The following MTARC2 variants were observed in gnomAD, a reference collection of about 807,000 sequenced individuals.
MTARC2 encodes mitochondrial amidoxime reducing component 2.
Under a neutral mutation model 35.6 loss-of-function variants are expected in MTARC2, and 27 were observed. The ratio of observed to expected loss-of-function variants is 0.76; its 90% CI spans 0.56 to 1.04. MTARC2 has a LOEUF of 1.04. MTARC2 is among the 50% of genes least tolerant of loss of function. The pLI, the probability that MTARC2 is intolerant of heterozygous loss-of-function variation, is 0.00. For missense variants in MTARC2, 412 were observed against 432.5 expected (o/e 0.95, Z 0.42); for synonymous variants, 158 against 167.1 (o/e 0.95, Z 0.42).
At chr1:220,765,417 A>AATAACTCTG (rs1671555489) in intron 4 of MTARC2, among the ~76,000 whole-genome samples, 1 of 152,194 alleles carries the variant, frequency 6.6e-6, no homozygotes, top group Non-Finnish European at 1.5e-5. Context: ...CTGAGCAAGG[A>AATAACTCTG]AGTAATTATG....
chr1:220,762,441 C>G (rs1671465210), intron 3 of MTARC2, among the ~76,000 whole-genome samples: 1 of 152,178 alleles, frequency 6.6e-6, no homozygotes, highest in South Asian at 2.1e-4. Context: ...TCTCCATAGC[C>G]CCTAAACTAC....
chr1:220,752,356 G>T (rs563605829), intron 1 of MTARC2, among the ~76,000 whole-genome samples: 1 of 152,184 alleles, frequency 6.6e-6, no homozygotes, highest in South Asian at 2.1e-4. Flanking sequence ...AAGGGTGAAG[G>T]CTTTAGTGAG....
intron 4 of MTARC2, among the ~76,000 whole-genome samples, chr1:220,771,315 A>AAAAAAAAAAAAAC: frequency 6.6e-6 from 1 of 151,732 alleles, no homozygotes. Flanking sequence ...AAAAAAAAAA[A>AAAAAAAAAAAAAC]AAAAGCCTTA....
At chr1:220,759,509 G>A (rs534085394) in intron 2 of MTARC2, among the ~76,000 whole-genome samples, 17 of 149,934 alleles carry the variant, frequency 1.1e-4, no homozygotes, top group African/African-American at 2.9e-4. Context: ...AAGGGGCTCC[G>A]GTTAATCAGT....
At position 220,780,063 on chromosome 1, in the gene MTARC2, G is replaced by A; in HGVS notation, c.796G>A (p.Val266Ile). The change falls in exon 5 of 8, where the codon GTA (valine) becomes ATA (isoleucine). Residue 266 changes from valine (V) to isoleucine (I), a missense_variant. By Grantham distance (29) the Val-to-Ile change is conservative. Coordinates refer to ENST00000366913, the MANE Select transcript of MTARC2 (RefSeq NM_017898.5). The part of the protein sequence containing the change: ...LLIGSVEVKK[V>I]MACPRCILTT... ...AATTGGTAGTGTAGAAGTGAAAAAG[G>A]TAATGGCATGCCCCAGGTAAGGAGC... The A allele has an allele frequency of 6.4e-7, 1 of 1,550,834 alleles. No individual in the cohort carries two copies. Among genetic ancestry groups the A allele is most frequent in the Admixed American group, 2.3e-5 (1 of 43,566 alleles).
Position 220,784,249 on chromosome 1 carries a change from C to T in MTARC2, c.*362C>T. The T allele has an allele frequency of 3.0e-6, 1 of 333,848 alleles. No homozygotes were observed. Among genetic ancestry groups the T allele is most frequent in the Non-Finnish European group, 5.5e-6 (1 of 183,144 alleles). The allele number at this position is 333,848 out of a possible 1,614,324, so 20.7% of individuals were successfully genotyped here. On this transcript the variant is annotated 3_prime_UTR_variant, in exon 8 of 8. Coordinates refer to ENST00000366913, the MANE Select transcript of MTARC2 (RefSeq NM_017898.5). ...CAAGTTTAATGAATCAACTAAAAAG[C>T]TGCAAAAATGTTTTTAAAATGTGTG... is the stretch of plus-strand genomic sequence containing the variant.
rs1671081759 is a variant in MTARC2 at position 220,749,736 on chromosome 1, GTCT to G, written c.272+938_272+940del. ...GTGAGCCACTGTGCCCAGCCAAGAT[GTCT>G]TCTTATCTGGCCGAGATGGTTTAGC... On this transcript the variant is annotated intron_variant, in intron 1 of 7. Transcript: ENST00000366913. 2.0e-5 allele frequency among the ~76,000 whole-genome samples: 3 copies of G among 152,078 alleles called. No homozygotes were observed. In the South Asian group the frequency reaches 6.2e-4, roughly 32 times the overall value.
intron 4 of MTARC2, among the ~76,000 whole-genome samples, chr1:220,769,793 T>C (rs1671685959): frequency 6.6e-6 from 1 of 151,434 alleles, no homozygotes; most frequent in Non-Finnish European, 1.5e-5. Context: ...AGGCACTTTT[T>C]CACAAATGTC....
chr1:220,748,869 G>A, intron 1 of MTARC2, 66 bp downstream of exon 1: 2 of 1,474,442 alleles, frequency 1.4e-6, no homozygotes, highest in Non-Finnish European at 1.8e-6. Context: ...GGGGGCAGGT[G>A]GGGCCCGATC....
At chr1:220,776,665 GC>G in intron 4 of MTARC2, among the ~76,000 whole-genome samples, 1 of 152,268 alleles carries the variant, frequency 6.6e-6, no homozygotes, top group African/African-American at 2.4e-5. Flanking sequence ...TCTTTTAAAC[GC>G]GGCCTTGCGG....
chr1:220,748,493 C>T lies in MTARC2; in HGVS notation c.-39C>T, dbSNP rs72472369. ...CGTCCTCCCGGTCTCCGGTCGCTGCCGGGTCTGTGCGCCGGTCCGCGCCCG... is the reference window on the plus strand; with the variant it reads ...CGTCCTCCCGGTCTCCGGTCGCTGCTGGGTCTGTGCGCCGGTCCGCGCCCG... On this transcript the variant is annotated 5_prime_UTR_variant, in exon 1 of 8. Transcript: ENST00000366913. 2.2e-3 allele frequency: 3,025 copies of T among 1,365,434 alleles called. 60 individuals are homozygous for T. In the African/African-American group the frequency reaches 0.037, roughly 17 times the overall value. 84.6% of individuals were successfully genotyped at this position (1,365,434 alleles called of 1,614,324 possible).
intron 1 of MTARC2, among the ~76,000 whole-genome samples, chr1:220,753,204 G>A (rs1236676149): frequency 2.0e-5 from 3 of 152,126 alleles, no homozygotes; most frequent in South Asian, 4.2e-4. Context: ...CTCCAGCCTG[G>A]GTGACAGAGT....
intron 4 of MTARC2, among the ~76,000 whole-genome samples, chr1:220,769,934 C>CAA (rs57739324): frequency 0.021 from 1,309 of 63,316 alleles, 58 homozygotes; most frequent in African/African-American, 0.059. Context: ...ACTAAAAATA[C>CAA]AAAAAAAAAA....
intron 2 of MTARC2, among the ~76,000 whole-genome samples, chr1:220,758,867 G>A (rs1340722265): frequency 2.0e-5 from 3 of 152,240 alleles, no homozygotes; most frequent in Middle Eastern, 6.8e-3. Context: ...GTGTGTGTGT[G>A]TGTATTAAAT....
At chr1:220,754,347 T>G (rs556832311) in intron 1 of MTARC2, 11 of 456,172 alleles carry the variant, frequency 2.4e-5, no homozygotes, top group African/African-American at 4.0e-5. Flanking sequence ...GACTTCTGTG[T>G]GTCTTTGTTC....
At chr1:220,770,245 C>T (rs1671706859) in intron 4 of MTARC2, 1 of 210,702 alleles carries the variant, frequency 4.7e-6, no homozygotes, top group Non-Finnish European at 8.2e-6. Flanking sequence ...CTTCACCATG[C>T]TTTTTCTAGT....
chr1:220,763,567 T>C (rs2102553602), intron 4 of MTARC2, among the ~76,000 whole-genome samples: 1 of 152,222 alleles, frequency 6.6e-6, no homozygotes, highest in African/African-American at 2.4e-5. Flanking sequence ...TTCCACCCTT[T>C]TCAAGGACAC....
intron 4 of MTARC2, among the ~76,000 whole-genome samples, chr1:220,779,173 G>A (rs60593162): frequency 0.016 from 2,498 of 152,196 alleles, 81 homozygotes; most frequent in African/African-American, 0.057. Flanking sequence ...CCTTATATAT[G>A]TATATGTATG....
chr1:220,758,713 A>G (rs1327625887), intron 2 of MTARC2, among the ~76,000 whole-genome samples: 1 of 152,170 alleles, frequency 6.6e-6, no homozygotes, highest in Admixed American at 6.5e-5. Flanking sequence ...GCCACCGTGC[A>G]CGGCCTGATT....
Sources: allele counts gnomAD v4.1 joint callset (sites outside exome capture counted in the v4.1 genomes callset), GRCh38; gene constraint gnomAD v4.1.1; transcripts MANE v1.5; gene names NCBI Gene and HGNC (gene_info 2026-07-23, HGNC 2026-07-21).